Variants in PDXDC1 observed in about 807,000 individuals in gnomAD.
The protein encoded by PDXDC1 is pyridoxal dependent decarboxylase domain containing 1.
PDXDC1 carries 42 observed loss-of-function variants against 100.1 expected under a neutral mutation model. The ratio of observed to expected loss-of-function variants is 0.42; its 90% CI spans 0.33 to 0.54. The LOEUF (loss-of-function observed/expected upper bound fraction) is 0.54. Ranked by LOEUF, PDXDC1 falls within the 20% of genes least tolerant of loss-of-function variation. The pLI is 0.10. For synonymous variants in PDXDC1, 260 were observed against 371.7 expected (o/e 0.70, Z 3.46); for missense variants, 636 against 979.2 (o/e 0.65, Z 4.68).
At chr16:15,110,620 G>A in intron 16 of PDXDC1, 2 of 1,572,316 alleles carry the variant, frequency 1.3e-6, no homozygotes, top group Middle Eastern at 2.3e-4. Context: ...CTTGGTGAGA[G>A]TGAGGAGAGG....
intron 17 of PDXDC1, 193 bp from the exon 18 acceptor site, chr16:15,032,668 A>AAAAAAAAAAAAAAAT: frequency 2.7e-6 from 1 of 374,102 alleles, no homozygotes; most frequent in Non-Finnish European, 4.6e-6. Flanking sequence ...AAAAAAAAAA[A>AAAAAAAAAAAAAAAT]AGGCTTTCCT....
At chr16:15,104,674 T>C in intron 16 of PDXDC1, 1 of 1,597,628 alleles carries the variant, frequency 6.3e-7, no homozygotes, top group Non-Finnish European at 8.5e-7. Flanking sequence ...TGGTGGCCCA[T>C]CCTGTTTTTT....
At chr16:15,071,690 C>T (rs1567196432) in intron 16 of PDXDC1, among the ~76,000 whole-genome samples, 1 of 152,178 alleles carries the variant, frequency 6.6e-6, no homozygotes, top group Non-Finnish European at 1.5e-5. Flanking sequence ...ATCGCTTGAA[C>T]CCAGGAGGCA....
intron 1 of PDXDC1, among the ~76,000 whole-genome samples, chr16:14,978,509 C>T (rs1201186879): frequency 6.6e-6 from 1 of 152,282 alleles, no homozygotes; most frequent in Non-Finnish European, 1.5e-5. Flanking sequence ...CGCGCCTCAG[C>T]CTCCTGAGTA....
At chr16:15,050,748 A>C (rs2044262137) in intron 16 of PDXDC1, among the ~76,000 whole-genome samples, 1 of 152,134 alleles carries the variant, frequency 6.6e-6, no homozygotes, top group Admixed American at 6.5e-5. Context: ...AAAAAAATTA[A>C]GATTAAACTA....
chr16:14,976,156 A>G (rs1317532329), intron 1 of PDXDC1, among the ~76,000 whole-genome samples: 1 of 152,272 alleles, frequency 6.6e-6, no homozygotes, highest in Non-Finnish European at 1.5e-5. Flanking sequence ...TGCTTTCGGT[A>G]CCTGACATTC....
intron 16 of PDXDC1, among the ~76,000 whole-genome samples, chr16:15,048,651 T>A (rs1050629720): frequency 6.6e-6 from 1 of 152,166 alleles, no homozygotes; most frequent in African/African-American, 2.4e-5. Flanking sequence ...TGAGACAGTC[T>A]CTCACTCTGT....
At chr16:14,998,661 C>G (rs1972519700) in intron 3 of PDXDC1, among the ~76,000 whole-genome samples, 2 of 152,286 alleles carry the variant, frequency 1.3e-5, no homozygotes, top group Admixed American at 1.3e-4. Flanking sequence ...GTTGGCCAGG[C>G]TGGTTTCTAA....
chr16:15,061,609 T>G (rs187115052), intron 16 of PDXDC1: 1 of 715,258 alleles, frequency 1.4e-6, no homozygotes, highest in Non-Finnish European at 2.3e-6. Flanking sequence ...CAGTCGAACC[T>G]GGAAGTGCCA....
rs2048203704 is a variant in PDXDC1, at chr16:15,133,433, G to A, written c.1400-5446G>A. 7 of 1,001,864 alleles carry A rather than the reference G, an allele frequency of 7.0e-6. No homozygotes were observed. The South Asian group carries it at 8.0e-5, about 12-fold the overall frequency. 62.1% of individuals were successfully genotyped at this position (1,001,864 alleles called of 1,614,324 possible). ...GGTGATGGCCAGAGACCTACGAGCA[G>A]AGGGGGGTGGTGAGCAGGTGGCAGT... is the stretch of plus-strand genomic sequence containing the variant. On this transcript the variant is annotated intron_variant, in intron 16 of 16. Coordinates refer to the PDXDC1 transcript ENST00000535621.
At chr16:15,033,525 C>G (rs1463898824) in intron 19 of PDXDC1, 126 bp downstream of exon 19, 3 of 1,126,418 alleles carry the variant, frequency 2.7e-6, no homozygotes, top group Non-Finnish European at 3.9e-6. Context: ...TCAATGTTTC[C>G]TGTAAGCTGG....
Position 15,123,313 on chromosome 16 carries a change from C to A in PDXDC1, c.1400-15566C>A, listed in dbSNP as rs189928215. ...AACCTGATTTCTGGTCCACCCCAAC[C>A]AGCTCCCTGTCCCTGCTTCTGGGCG... On this transcript the variant is annotated intron_variant, in intron 16 of 16. Coordinates refer to the PDXDC1 transcript ENST00000535621. 16 of 1,417,924 alleles carry A rather than the reference C, an allele frequency of 1.1e-5. No individual in the cohort carries two copies. In the East Asian group the frequency reaches 4.0e-4, roughly 35 times the overall value. The allele number at this position is 1,417,924 out of a possible 1,614,324, so 87.8% of individuals were successfully genotyped here.
rs2043605952 is a variant in PDXDC1, at chr16:15,038,057, C to T, written c.*1782C>T. On this transcript the variant is annotated 3_prime_UTR_variant, in exon 23 of 23. Transcript: ENST00000396410. ...TAACTTCCTGGAGAAGAGATCTTTT[C>T]CCACAAGCCATCTTCATTTTTTTTG... 1 of 1,612,436 alleles carries T rather than the reference C, an allele frequency of 6.2e-7. No homozygotes were observed. Among genetic ancestry groups the T allele is most frequent in the Non-Finnish European group, 8.5e-7 (1 of 1,179,496 alleles).
chr16:15,059,435 C>T (rs532344007), intron 16 of PDXDC1, among the ~76,000 whole-genome samples: 4 of 152,200 alleles, frequency 2.6e-5, no homozygotes, highest in Admixed American at 6.5e-5. Flanking sequence ...CAGCCATTAA[C>T]TTGTACATGC....
chr16:14,984,712 G>A (rs1968922600), intron 1 of PDXDC1, among the ~76,000 whole-genome samples: 1 of 152,004 alleles, frequency 6.6e-6, no homozygotes, highest in African/African-American at 2.4e-5. Flanking sequence ...GGACAGGCTG[G>A]TCTCAAACTC....
At chr16:15,140,380 G>A (rs752921648), downstream of PDXDC1, among the ~76,000 whole-genome samples, 1 of 147,206 alleles carries the variant, frequency 6.8e-6, no homozygotes, top group Non-Finnish European at 1.5e-5. Context: ...GGAGGCAGAG[G>A]TTGCAGTGAG....
chr16:15,094,427 C>G, intron 16 of PDXDC1: 1 of 614,552 alleles, frequency 1.6e-6, no homozygotes. Context: ...AGGACTTGTT[C>G]CAGCCAGCGC....
chr16:15,079,152 T>G (rs1460455818), intron 16 of PDXDC1, among the ~76,000 whole-genome samples: 1 of 129,744 alleles, frequency 7.7e-6, no homozygotes, highest in Admixed American at 8.8e-5. Flanking sequence ...AACACCAAGA[T>G]TCAATTCCAC....
intron 16 of PDXDC1, chr16:15,069,996 A>T: frequency 1.6e-6 from 2 of 1,221,306 alleles, no homozygotes; most frequent in East Asian, 2.3e-5. Flanking sequence ...AATCTCAAAA[A>T]AGTAATGAAT....
Sources: allele counts gnomAD v4.1 joint callset (sites outside exome capture counted in the v4.1 genomes callset), GRCh38; gene constraint gnomAD v4.1.1; transcripts MANE v1.5; gene names NCBI Gene and HGNC (gene_info 2026-07-23, HGNC 2026-07-21).